The following TSPAN2 variants were observed in gnomAD, a reference collection of about 807,000 sequenced individuals.
TSPAN2 encodes tetraspanin-2.
In TSPAN2, 24 loss-of-function variants were observed where a neutral mutation model predicts 33.3. The observed-to-expected ratio is 0.72, with a 90% CI of 0.52 to 1.01. The LOEUF (loss-of-function observed/expected upper bound fraction) is 1.01, where lower values mean the gene tolerates loss of function less well. TSPAN2 is among the 50% of genes least tolerant of loss of function. The pLI, the probability that TSPAN2 is intolerant of heterozygous loss-of-function variation, is 0.00. For missense variants in TSPAN2, 278 were observed against 281.3 expected (o/e 0.99, Z 0.08); for synonymous variants, 114 against 104.5 (o/e 1.09, Z -0.56).
intron 1 of TSPAN2, among the ~76,000 whole-genome samples, chr1:115,088,815 G>GC (rs144487773): frequency 7.3e-5 from 11 of 151,716 alleles, no homozygotes; most frequent in Admixed American, 4.6e-4. Context: ...AAAGGACGAC[G>GC]CCCCCCCACC....
At chr1:115,055,951 G>A (rs1292711536) in intron 6 of TSPAN2, among the ~76,000 whole-genome samples, 1 of 152,146 alleles carries the variant, frequency 6.6e-6, no homozygotes, top group African/African-American at 2.4e-5. Context: ...GCACAAAAAC[G>A]TCTGTCTGCA....
intron 1 of TSPAN2, among the ~76,000 whole-genome samples, chr1:115,085,029 C>G (rs1430384111): frequency 2.0e-5 from 3 of 152,138 alleles, no homozygotes; most frequent in African/African-American, 7.2e-5. Context: ...CAACAATAAA[C>G]CAAGGAATAA....
chr1:115,050,397 A>G lies in TSPAN2; in HGVS notation c.*93T>C. ...TTGACAGCAAATTATTTTAGATCCT[A>G]ATGTCATTTCAGTGTTAAAAATGAG... On this transcript the variant is annotated 3_prime_UTR_variant, in exon 8 of 8. Transcript: ENST00000369516. The G allele has an allele frequency of 9.0e-7, 1 of 1,109,410 alleles. No individual in the cohort carries two copies. The highest frequency in any genetic ancestry group is 1.4e-6 in the Non-Finnish European group (1 of 724,326). 68.7% of individuals were successfully genotyped at this position (1,109,410 alleles called of 1,614,324 possible). A position where few individuals can be genotyped will look rare whatever the true frequency, so the allele number is the denominator to read the frequency against.
rs768264525 is a variant in TSPAN2, at chr1:115,048,035, T to G, written c.*2455A>C. On this transcript the variant is annotated 3_prime_UTR_variant, in exon 8 of 8. Coordinates refer to ENST00000369516, the MANE Select transcript of TSPAN2 (RefSeq NM_005725.6). Reference sequence around the variant, plus strand: ...ATTTCAGTATATAGAAAATTTAATATGAAATCACTTAAAATATTTCAACAT... The same window carrying G: ...ATTTCAGTATATAGAAAATTTAATAGGAAATCACTTAAAATATTTCAACAT... The G allele has an allele frequency of 6.6e-6, 1 of 151,950 alleles. No individual in the cohort carries two copies. Among genetic ancestry groups the G allele is most frequent in the African/African-American group, 2.4e-5 (1 of 41,426 alleles). 9.4% of individuals were successfully genotyped at this position (151,950 alleles called of 1,614,324 possible). A position where few individuals can be genotyped will look rare whatever the true frequency, so the allele number is the denominator to read the frequency against.
intron 1 of TSPAN2, among the ~76,000 whole-genome samples, chr1:115,079,041 C>T (rs1648519308): frequency 6.6e-6 from 1 of 151,752 alleles, no homozygotes; most frequent in Non-Finnish European, 1.5e-5. Context: ...GTGTACCATC[C>T]ACGGATACAA....
intron 1 of TSPAN2, among the ~76,000 whole-genome samples, chr1:115,081,928 C>G (rs971940868): frequency 1.3e-5 from 2 of 152,218 alleles, no homozygotes; most frequent in East Asian, 3.8e-4. Context: ...TCTAAATCTT[C>G]TATACTAGAA....
chr1:115,057,556 T>C lies in TSPAN2; in HGVS notation c.497A>G (p.Lys166Arg), dbSNP rs1285730166. The change falls in exon 6 of 8, where the codon AAG becomes AGG. Residue 166 changes from lysine to arginine, a missense_variant. Physicochemically the swap from Lys to Arg is conservative, Grantham distance 26. Transcript: ENST00000369516. ...SSEQVQPTCP[K>R]ELLGHKNCID... ...GCTTACCTTGTGTCCTAGAAGCTCC[T>C]TTGGGCATGTAGGTTGGACCTGTTC... 3.1e-6 allele frequency: 5 copies of C among 1,614,158 alleles called. No individual in the cohort carries two copies. Among genetic ancestry groups the C allele is most frequent in the Non-Finnish European group, 4.2e-6 (5 of 1,179,988 alleles).
rs1379051117 is a variant in TSPAN2 at position 115,050,034 on chromosome 1, A to G, written c.*456T>C. On this transcript the variant is annotated 3_prime_UTR_variant, in exon 8 of 8. Transcript: ENST00000369516. ...TCCATTGTGATCTCTCAATTCTTAC[A>G]GCTTATTACTTCCATTAAGAAGAAA... 1 of 220,098 alleles carries G rather than the reference A, an allele frequency of 4.5e-6. No homozygotes were observed. Among genetic ancestry groups the G allele is most frequent in the Non-Finnish European group, 9.0e-6 (1 of 110,742 alleles). 13.6% of individuals were successfully genotyped at this position (220,098 alleles called of 1,614,324 possible). A position where few individuals can be genotyped will look rare whatever the true frequency, so the allele number is the denominator to read the frequency against.
Position 115,050,401 on chromosome 1 carries a change from T to C in TSPAN2, c.*89A>G, listed in dbSNP as rs1675282179. ...CAGCAAATTATTTTAGATCCTAATG[T>C]CATTTCAGTGTTAAAAATGAGCTGG... On this transcript the variant is annotated 3_prime_UTR_variant, in exon 8 of 8. Coordinates refer to ENST00000369516, the MANE Select transcript of TSPAN2 (RefSeq NM_005725.6). 8.7e-7 allele frequency: 1 copy of C among 1,147,854 alleles called. No homozygotes were observed. The highest frequency in any genetic ancestry group is 1.5e-5 in the African/African-American group (1 of 65,586). The allele number at this position is 1,147,854 out of a possible 1,614,324, so 71.1% of individuals were successfully genotyped here.
At chr1:115,067,989 G>T (rs1648016011) in intron 2 of TSPAN2, among the ~76,000 whole-genome samples, 2 of 152,204 alleles carry the variant, frequency 1.3e-5, no homozygotes, top group African/African-American at 4.8e-5. Context: ...AGAGTGCCCT[G>T]AAAGAGACTA....
At chr1:115,087,708 T>G (rs1041932941) in intron 1 of TSPAN2, among the ~76,000 whole-genome samples, 1 of 152,174 alleles carries the variant, frequency 6.6e-6, no homozygotes, top group African/African-American at 2.4e-5. Flanking sequence ...TTAACCAATT[T>G]GAGCCTGTTT....
chr1:115,063,095 G>A (rs1647800331), intron 2 of TSPAN2, among the ~76,000 whole-genome samples: 1 of 152,192 alleles, frequency 6.6e-6, no homozygotes, highest in Admixed American at 6.5e-5. Context: ...ATGTGGTAAT[G>A]TGAGAAATGA....
chr1:115,080,768 G>GA (rs1447298536), intron 1 of TSPAN2, among the ~76,000 whole-genome samples: 1 of 152,084 alleles, frequency 6.6e-6, no homozygotes, highest in Non-Finnish European at 1.5e-5. Context: ...GCCCGGAGAG[G>GA]AAAAAAATGG....
chr1:115,077,261 A>C (rs755685104), intron 1 of TSPAN2, among the ~76,000 whole-genome samples: 1 of 152,022 alleles, frequency 6.6e-6, no homozygotes, highest in Non-Finnish European at 1.5e-5. Context: ...TGAGGTACTC[A>C]GAGAATGTGA....
chr1:115,072,534 C>T lies in TSPAN2; in HGVS notation c.172+371G>A, dbSNP rs148801853. Among the ~76,000 whole-genome samples, 883 of 152,352 alleles carry T rather than the reference C, an allele frequency of 5.8e-3. 10 individuals are homozygous for T. The highest frequency in any genetic ancestry group is 0.02 in the African/African-American group (827 of 41,576). On this transcript the variant is annotated intron_variant, in intron 2 of 7. Transcript: ENST00000369516. ...ACACACTTGTGGTGTACCCACTTTA[C>T]TCCAGGGGCAATAGGGAGTTTTCTC...
chr1:115,049,273 G>A lies in TSPAN2; in HGVS notation c.*1217C>T, dbSNP rs1290341694. 1 of 152,386 alleles carries A rather than the reference G, an allele frequency of 6.6e-6. No individual in the cohort carries two copies. Among genetic ancestry groups the A allele is most frequent in the Non-Finnish European group, 1.5e-5 (1 of 67,946 alleles). 9.4% of individuals were successfully genotyped at this position (152,386 alleles called of 1,614,324 possible). On this transcript the variant is annotated 3_prime_UTR_variant, in exon 8 of 8. Coordinates refer to ENST00000369516, the MANE Select transcript of TSPAN2 (RefSeq NM_005725.6). The stretch of plus-strand genomic sequence containing the variant: ...TTTGCATAAAAAGAACATTATTTTT[G>A]TTCTGTGTATATATAAGTATTTTTG...
Position 115,089,309 on chromosome 1 carries a change from C to G in TSPAN2, c.69+55G>C, listed in dbSNP as rs967474246. 6.4e-6 allele frequency: 9 copies of G among 1,402,132 alleles called. No individual in the cohort carries two copies. The East Asian group carries it at 2.2e-4, about 34-fold the overall frequency. The allele number at this position is 1,402,132 out of a possible 1,614,324, so 86.9% of individuals were successfully genotyped here. A position where few individuals can be genotyped will look rare whatever the true frequency, so the allele number is the denominator to read the frequency against. ...GTCAGCAGCTCGGGGACCCCGGCCC[C>G]GCGCCCGCCACCCGGCCCCCTGCCC... On this transcript the variant is annotated intron_variant, in intron 1 of 7. Transcript: ENST00000369516.
At chr1:115,085,292 A>C (rs1277845527) in intron 1 of TSPAN2, among the ~76,000 whole-genome samples, 1 of 152,188 alleles carries the variant, frequency 6.6e-6, no homozygotes, top group Non-Finnish European at 1.5e-5. Context: ...TGTTTTTAAA[A>C]ATTCAGTGGT....
chr1:115,060,568 T>C, intron 3 of TSPAN2, 30 bp from the exon 4 acceptor site: 1 of 1,549,264 alleles, frequency 6.5e-7, no homozygotes, highest in East Asian at 2.2e-5. Context: ...CTAATTTCAT[T>C]AATTTAATAC....
Sources: allele counts gnomAD v4.1 joint callset (sites outside exome capture counted in the v4.1 genomes callset), GRCh38; gene constraint gnomAD v4.1.1; transcripts MANE v1.5; gene names NCBI Gene and HGNC (gene_info 2026-07-23, HGNC 2026-07-21).